CTIF: variants seen among roughly 807,000 people sequenced by gnomAD.
The protein encoded by CTIF is CBP80/20-dependent translation initiation factor.
In CTIF, 21 loss-of-function variants were observed where a neutral mutation model predicts 66.0. The observed-to-expected ratio is 0.32, with a 90% CI of 0.23 to 0.46. The LOEUF is 0.46. CTIF is among the 20% of genes least tolerant of loss of function. CTIF has a pLI of 1.00. For synonymous variants in CTIF, 345 were observed against 326.4 expected (o/e 1.06, Z -0.62); for missense variants, 739 against 812.7 (o/e 0.91, Z 1.10).
chr18:48,652,015 G>A (rs984304705), intron 3 of CTIF, among the ~76,000 whole-genome samples: 12 of 152,154 alleles, frequency 7.9e-5, no homozygotes, highest in Non-Finnish European at 1.3e-4. Flanking sequence ...GAGAAAGCAG[G>A]AAAGATCTAA....
chr18:48,676,949 G>T (rs1210757809), intron 6 of CTIF, among the ~76,000 whole-genome samples: 1 of 152,074 alleles, frequency 6.6e-6, no homozygotes, highest in Non-Finnish European at 1.5e-5. Context: ...GAATGGCCTG[G>T]CAGCCCCAGC....
At chr18:48,571,828 A>G (rs2089422041) in intron 1 of CTIF, among the ~76,000 whole-genome samples, 1 of 152,132 alleles carries the variant, frequency 6.6e-6, no homozygotes, top group Non-Finnish European at 1.5e-5. Flanking sequence ...CTCCAGAGAA[A>G]CAGAACCATG....
chr18:48,730,402 CTT>C (rs2145649181), intron 7 of CTIF, among the ~76,000 whole-genome samples: 16 of 136,556 alleles, frequency 1.2e-4, no homozygotes, highest in Middle Eastern at 4.2e-3. Flanking sequence ...GTGTGAGGGG[CTT>C]CCACGGTGTG....
At chr18:48,713,412 A>G (rs1441241710) in intron 7 of CTIF, among the ~76,000 whole-genome samples, 1 of 151,992 alleles carries the variant, frequency 6.6e-6, no homozygotes, top group Non-Finnish European at 1.5e-5. Context: ...AGGTCACCTC[A>G]CTCAGCAGGA....
chr18:48,783,268 C>T (rs76810895), intron 9 of CTIF, among the ~76,000 whole-genome samples: 2,292 of 152,292 alleles, frequency 0.015, 55 homozygotes, highest in African/African-American at 0.052. Context: ...TGCACCAGCA[C>T]GGCTTATGTA....
intron 10 of CTIF, among the ~76,000 whole-genome samples, chr18:48,828,270 G>A (rs762801078): frequency 1.3e-5 from 2 of 152,174 alleles, no homozygotes; most frequent in Non-Finnish European, 1.5e-5. Context: ...ACATGGCTCA[G>A]GAGGACATCT....
At chr18:48,654,095 G>A (rs1453301978) in intron 3 of CTIF, among the ~76,000 whole-genome samples, 1 of 152,168 alleles carries the variant, frequency 6.6e-6, no homozygotes, top group Non-Finnish European at 1.5e-5. Context: ...AACACCAAAA[G>A]TGATGGCAAC....
intron 3 of CTIF, among the ~76,000 whole-genome samples, chr18:48,658,595 G>A (rs548222139): frequency 2.6e-5 from 4 of 152,168 alleles, no homozygotes; most frequent in African/African-American, 9.6e-5. Context: ...TACCATGCAT[G>A]TGTGTGTATG....
chr18:48,703,013 C>T (rs2092103839), intron 6 of CTIF, among the ~76,000 whole-genome samples: 1 of 152,060 alleles, frequency 6.6e-6, no homozygotes. Flanking sequence ...TTTTATGGTC[C>T]TTTAATCAAG....
In CTIF at chr18:48,624,878, T is replaced by C. The variant is rs907546276; in HGVS notation, c.180+5133T>C. On this transcript the variant is annotated intron_variant, in intron 2 of 11. Transcript: ENST00000256413. ...GTAAATTCTTGTTAAGGGGTCAAATTAAGAGCCAGTGAGAGTGAAGATCAC... is the reference window on the plus strand; with the variant it reads ...GTAAATTCTTGTTAAGGGGTCAAATCAAGAGCCAGTGAGAGTGAAGATCAC... Among the ~76,000 whole-genome samples the C allele has an allele frequency of 2.1e-4, 32 of 152,180 alleles. 1 individual carries two copies. The highest frequency in any genetic ancestry group is 5.9e-5 in the Non-Finnish European group (4 of 68,036).
intron 3 of CTIF, chr18:48,662,386 G>A (rs1423216870): frequency 3.7e-5 from 4 of 107,578 alleles, no homozygotes; most frequent in Non-Finnish European, 8.3e-5. Flanking sequence ...GGCTGTTGGT[G>A]CCCAGAGAGA....
chr18:48,595,336 A>G (rs1472803382), intron 1 of CTIF, among the ~76,000 whole-genome samples: 1 of 152,190 alleles, frequency 6.6e-6, no homozygotes, highest in South Asian at 2.1e-4. Context: ...TAGGATTAGG[A>G]TTGTTGGTTG....
Position 48,709,477 on chromosome 18 carries a change from G to A in CTIF, c.508-2142G>A, listed in dbSNP as rs116139427. On this transcript the variant is annotated intron_variant, in intron 6 of 11. Coordinates refer to ENST00000256413, the MANE Select transcript of CTIF (RefSeq NM_014772.3). The stretch of plus-strand genomic sequence containing the variant: ...GAGCCCAGGGCTGGAGGCCCACACC[G>A]AGGAGGCTGGCACCCCCTGGGCTCG... Among the ~76,000 whole-genome samples, 1,086 of 152,376 alleles carry A rather than the reference G, an allele frequency of 7.1e-3. 13 individuals are homozygous for A. Among genetic ancestry groups the A allele is most frequent in the African/African-American group, 0.025 (1,042 of 41,592 alleles).
At chr18:48,622,340 C>T (rs971646036) in intron 2 of CTIF, among the ~76,000 whole-genome samples, 1 of 151,890 alleles carries the variant, frequency 6.6e-6, no homozygotes, top group Non-Finnish European at 1.5e-5. Context: ...GGAATGCAGT[C>T]ATGGGTCAGG....
intron 10 of CTIF, among the ~76,000 whole-genome samples, chr18:48,852,115 T>G (rs983870694): frequency 4.0e-5 from 6 of 151,474 alleles, no homozygotes; most frequent in Non-Finnish European, 7.4e-5. Flanking sequence ...GCACCCCTGC[T>G]CCCAGTTACT....
chr18:48,759,847 C>G (rs1908784464), intron 8 of CTIF, among the ~76,000 whole-genome samples: 1 of 152,196 alleles, frequency 6.6e-6, no homozygotes, highest in African/African-American at 2.4e-5. Context: ...AGATCAGTTT[C>G]AAGGACTCCA....
intron 7 of CTIF, among the ~76,000 whole-genome samples, chr18:48,734,448 C>T (rs573799760): frequency 6.6e-6 from 1 of 152,292 alleles, no homozygotes; most frequent in Non-Finnish European, 1.5e-5. Context: ...GGCATGTAGT[C>T]CCCGCTACTC....
intron 1 of CTIF, among the ~76,000 whole-genome samples, chr18:48,595,600 A>AT (rs1490196116): frequency 1.3e-5 from 2 of 151,782 alleles, no homozygotes; most frequent in East Asian, 1.9e-4. Context: ...CTAATATTTT[A>AT]TTTTTTTGTA....
chr18:48,621,591 A>G, intron 2 of CTIF: 1 of 381,682 alleles, frequency 2.6e-6, no homozygotes, highest in South Asian at 1.9e-5. Flanking sequence ...CCAGGAGGGG[A>G]GTCGAGGGAG....
Sources: allele counts gnomAD v4.1 joint callset (sites outside exome capture counted in the v4.1 genomes callset), GRCh38; gene constraint gnomAD v4.1.1; transcripts MANE v1.5; gene names NCBI Gene and HGNC (gene_info 2026-07-23, HGNC 2026-07-21).